PARP15: variants seen among roughly 807,000 people sequenced by gnomAD.
PARP15 encodes poly(ADP-ribose) polymerase family member 15, also known as protein mono-ADP-ribosyltransferase PARP15.
Under a neutral mutation model 62.1 loss-of-function variants are expected in PARP15, and 50 were observed. The ratio of observed to expected loss-of-function variants is 0.81; its 90% confidence interval spans 0.64 to 1.02. The LOEUF is 1.02. PARP15 is among the 50% of genes least tolerant of loss of function. The pLI is 0.00. For synonymous variants in PARP15, 309 were observed against 293.1 expected, an observed-to-expected ratio of 1.05 and a Z score of -0.55; for missense variants, 820 against 826.5, an observed-to-expected ratio of 0.99 and a Z score of 0.10.
chr3:122,594,579 T>C (rs534234486), intron 1 of PARP15: 2 of 973,548 alleles, frequency 2.1e-6, no homozygotes, highest in Non-Finnish European at 2.4e-6. Context: ...GAAATTGATA[T>C]AGGGTAGGGG....
rs777000399 is a variant in PARP15, at chr3:122,594,286, A to AAAC, written c.187-11635_187-11633dup. On this transcript the variant is annotated intron_variant, in intron 1 of 11. Coordinates refer to ENST00000464300, the MANE Select transcript of PARP15 (RefSeq NM_001113523.3). The stretch of plus-strand genomic sequence containing the variant: ...CTGCATTCCAGCCTAGGCAACAGAA[A>AAAC]AACAACAACAACAACAAAGAATCAG... Among the ~76,000 whole-genome samples, 41 of 152,290 alleles carry AAAC rather than the reference A, an allele frequency of 2.7e-4. No homozygotes were observed. The East Asian group carries it at 4.0e-3, about 15-fold the overall frequency.
rs75639567 is a variant in PARP15 at position 122,615,143 on chromosome 3, A to G, written c.772-636A>G. 1,444 of 1,132,920 alleles carry G rather than the reference A, an allele frequency of 1.3e-3. 12 individuals are homozygous for G. In the African/African-American group the frequency reaches 0.022, roughly 17 times the overall value. The allele number at this position is 1,132,920 out of a possible 1,614,324, so 70.2% of individuals were successfully genotyped here. ...AAAGAAAATGGATGAAGACAACCCA[A>G]GTGAAACTTTATAACTCTACTCTGT... On this transcript the variant is annotated intron_variant, in intron 4 of 11. Coordinates refer to ENST00000464300, the MANE Select transcript of PARP15 (RefSeq NM_001113523.3).
At chr3:122,615,715 C>A in intron 4 of PARP15, 64 bp from the exon 5 acceptor site, 1 of 1,605,398 alleles carries the variant, frequency 6.2e-7, no homozygotes, top group Admixed American at 1.7e-5. Flanking sequence ...GATCAATGCT[C>A]CAAAGAATTG....
chr3:122,632,990 C>A (rs754791936), intron 10 of PARP15, among the ~76,000 whole-genome samples: 4 of 152,178 alleles, frequency 2.6e-5, no homozygotes, highest in Non-Finnish European at 5.9e-5. Flanking sequence ...GGGTTTATCA[C>A]GAGGTCATTA....
chr3:122,585,938 C>G (rs536131719), intron 1 of PARP15, among the ~76,000 whole-genome samples: 1 of 152,210 alleles, frequency 6.6e-6, no homozygotes, highest in African/African-American at 2.4e-5. Context: ...TATGCGAATC[C>G]CTATCAATTG....
chr3:122,621,431 T>G lies in PARP15; in HGVS notation c.1064-13T>G. 6.3e-7 allele frequency: 1 copy of G among 1,589,746 alleles called. No homozygotes were observed. Among genetic ancestry groups the G allele is most frequent in the Non-Finnish European group, 8.5e-7 (1 of 1,171,264 alleles). On this transcript the variant is annotated splice_polypyrimidine_tract_variant and intron_variant, in intron 7 of 11. Transcript: ENST00000464300. Reference sequence around the variant, plus strand: ...AATGGGCTGCATGTTTGTTTTTCTTTCCTTTTTTTCAGCTGCACAGCCTCA... The same window carrying G: ...AATGGGCTGCATGTTTGTTTTTCTTGCCTTTTTTTCAGCTGCACAGCCTCA...
In PARP15 at chr3:122,629,582, T is replaced by C. The variant is rs2107597255; in HGVS notation, c.1439-2504T>C. ...CATATAAGACAAATTTTCCACGGACTGGGTTATGAAGGGGGTGGTTTCAGG... is the reference window on the plus strand; with the variant it reads ...CATATAAGACAAATTTTCCACGGACCGGGTTATGAAGGGGGTGGTTTCAGG... On this transcript the variant is annotated intron_variant, in intron 9 of 11. Transcript: ENST00000464300. Among the ~76,000 whole-genome samples the C allele has an allele frequency of 2.0e-5, 3 of 152,280 alleles. No individual in the cohort carries two copies. In the South Asian group the frequency reaches 6.2e-4, roughly 32 times the overall value.
chr3:122,636,169 T>C lies in PARP15; in HGVS notation c.*69T>C. On this transcript the variant is annotated 3_prime_UTR_variant, in exon 12 of 12. Transcript: ENST00000464300. ...AACAACATGCAATCTTTGTCTTTGCTTCTGGCCTGTGTAAGCAGATGAAAG... is the reference window on the plus strand; with the variant it reads ...AACAACATGCAATCTTTGTCTTTGCCTCTGGCCTGTGTAAGCAGATGAAAG... 2 of 1,472,788 alleles carry C rather than the reference T, an allele frequency of 1.4e-6. No individual in the cohort carries two copies. Among genetic ancestry groups the C allele is most frequent in the Non-Finnish European group, 1.8e-6 (2 of 1,082,702 alleles). 91.2% of individuals were successfully genotyped at this position (1,472,788 alleles called of 1,614,324 possible).
chr3:122,590,884 A>G (rs1317891271), intron 1 of PARP15, among the ~76,000 whole-genome samples: 5 of 152,192 alleles, frequency 3.3e-5, no homozygotes. Flanking sequence ...TTTGTTATGC[A>G]CTAACAGAAA....
At chr3:122,594,883 C>A in intron 1 of PARP15, 1 of 976,724 alleles carries the variant, frequency 1.0e-6, no homozygotes, top group Non-Finnish European at 1.2e-6. Context: ...AATTACATAA[C>A]AATTTTCTTC....
chr3:122,607,221 T>C (rs1296850281), intron 2 of PARP15, among the ~76,000 whole-genome samples: 1 of 152,046 alleles, frequency 6.6e-6, no homozygotes, highest in East Asian at 1.9e-4. Flanking sequence ...TGCAACCGAG[T>C]ATTATGAGAG....
intron 9 of PARP15, among the ~76,000 whole-genome samples, chr3:122,631,540 GC>G (rs754051816): frequency 3.9e-5 from 6 of 152,184 alleles, no homozygotes; most frequent in Non-Finnish European, 8.8e-5. Context: ...GTTCCAGGAA[GC>G]CACTGAAAAC....
chr3:122,582,834 C>T (rs961056441), intron 1 of PARP15, among the ~76,000 whole-genome samples: 1 of 152,004 alleles, frequency 6.6e-6, no homozygotes, highest in Non-Finnish European at 1.5e-5. Flanking sequence ...TATTTTGTGT[C>T]TTTCATTCTG....
At chr3:122,608,035 T>C (rs1229657092) in intron 2 of PARP15, among the ~76,000 whole-genome samples, 1 of 152,064 alleles carries the variant, frequency 6.6e-6, no homozygotes, top group Non-Finnish European at 1.5e-5. Flanking sequence ...ACATCTTCGG[T>C]GTCTTCCTAC....
chr3:122,621,779 C>T (rs12636277), intron 8 of PARP15, among the ~76,000 whole-genome samples, 168 bp downstream of exon 8: 12,832 of 152,084 alleles, frequency 0.084, 590 homozygotes, highest in Middle Eastern at 0.15. Context: ...GCTACTGGGC[C>T]GAAGCCTCTT....
In PARP15 at chr3:122,637,818, C is replaced by CT. The variant is rs1937447887; in HGVS notation, c.*1721dup. 6.6e-6 allele frequency: 1 copy of CT among 151,828 alleles called. No homozygotes were observed. The highest frequency in any genetic ancestry group is 6.6e-5 in the Admixed American group (1 of 15,236). The allele number at this position is 151,828 out of a possible 1,614,324, so 9.4% of individuals were successfully genotyped here. On this transcript the variant is annotated 3_prime_UTR_variant, in exon 12 of 12. Transcript: ENST00000464300. ...CTTTTTTTAATCTTTTTTTATTATACTTTAAGTTTTAGGGTACATGTGCAC... is the reference window on the plus strand; with the variant it reads ...CTTTTTTTAATCTTTTTTTATTATACTTTTAAGTTTTAGGGTACATGTGCAC...
chr3:122,592,934 G>A (rs1332732614), intron 1 of PARP15, among the ~76,000 whole-genome samples: 2 of 152,144 alleles, frequency 1.3e-5, no homozygotes, highest in Non-Finnish European at 2.9e-5. Flanking sequence ...TCCAATGTGT[G>A]TGCCCTTATC....
At position 122,613,111 on chromosome 3, in the gene PARP15, C is replaced by T. The variant is rs1323819918; in HGVS notation, c.614C>T (p.Pro205Leu). Residue 205 changes from proline (P) to leucine (L), a missense_variant, in exon 4 of 12, where the codon CCC becomes CTC. Physicochemically the swap from Pro to Leu is moderately conservative, Grantham distance 98. This residue lies in a region of PARP15 where 731 missense variants were observed against 727.7 expected (regional missense o/e 1.00). Transcript: ENST00000464300. ...CTATCTTTCTCATCAATCACATTTCCCATGATTGGAACAGGAAGTTTGCAG... is the reference window on the plus strand; with the variant it reads ...CTATCTTTCTCATCAATCACATTTCTCATGATTGGAACAGGAAGTTTGCAG... ...EVLSFSSITF[P>L]MIGTGSLQFP... The T allele has an allele frequency of 1.9e-6, 3 of 1,551,766 alleles. No homozygotes were observed. The highest frequency in any genetic ancestry group is 1.7e-6 in the Non-Finnish European group (2 of 1,147,000).
intron 10 of PARP15, among the ~76,000 whole-genome samples, chr3:122,634,320 C>T (rs188574523): frequency 3.9e-4 from 60 of 152,248 alleles, no homozygotes; most frequent in African/African-American, 1.3e-3. Context: ...ACCCCCATGC[C>T]ATTAGACTGA....
Sources: gnomAD v4.1 joint callset for allele counts (sites outside exome capture counted in the v4.1 genomes callset) on GRCh38, gnomAD v4.1.1 for gene constraint, gnomAD v4.1.1 regional missense constraint, MANE v1.5 for transcripts, NCBI Gene and HGNC (gene_info 2026-07-23, HGNC 2026-07-21) for gene names.